The following GLRA3 variants were observed in gnomAD, a reference collection of about 807,000 sequenced individuals.
The protein encoded by GLRA3 is glycine receptor subunit alpha-3.
In GLRA3, 44 loss-of-function variants were observed where a neutral mutation model predicts 60.4. That is an observed-to-expected ratio of 0.73 (90% CI 0.57 to 0.94). GLRA3 has a LOEUF of 0.94. Ranked by LOEUF, GLRA3 falls within the 40% of genes least tolerant of loss-of-function variation. The pLI, the probability that GLRA3 is intolerant of heterozygous loss-of-function variation, is 0.00. For synonymous variants in GLRA3, 223 were observed against 192.9 expected (o/e 1.16, Z -1.29); for missense variants, 508 against 564.6 (o/e 0.90, Z 1.02).
chr4:174,796,577 A>G (rs1023271855), intron 1 of GLRA3, among the ~76,000 whole-genome samples: 1 of 150,930 alleles, frequency 6.6e-6, no homozygotes, highest in African/African-American at 2.4e-5. Context: ...TCGCTCTGTC[A>G]CCAGGCTGGA....
chr4:174,718,527 A>G (rs1736008251), intron 4 of GLRA3, among the ~76,000 whole-genome samples: 1 of 152,140 alleles, frequency 6.6e-6, no homozygotes, highest in Non-Finnish European at 1.5e-5. Flanking sequence ...TCAATTATTG[A>G]CCACTTTTGT....
chr4:174,813,789 T>C (rs1468487967), intron 1 of GLRA3, among the ~76,000 whole-genome samples: 1 of 152,230 alleles, frequency 6.6e-6, no homozygotes, highest in Non-Finnish European at 1.5e-5. Context: ...CTTTATTTAA[T>C]GACTTTGCCC....
intron 3 of GLRA3, among the ~76,000 whole-genome samples, chr4:174,739,425 C>CT (rs34573945): frequency 0.19 from 29,174 of 152,152 alleles, 4,034 homozygotes; most frequent in African/African-American, 0.39. Context: ...TTCCACTTCA[C>CT]TTTTTTGTGG....
At chr4:174,764,759 T>TTTATGATTC (rs1424663949) in intron 3 of GLRA3, among the ~76,000 whole-genome samples, 2 of 152,044 alleles carry the variant, frequency 1.3e-5, no homozygotes, top group Non-Finnish European at 2.9e-5. Flanking sequence ...AGCAAAACAT[T>TTTATGATTC]TTATGATTCT....
rs539105948 is a variant in GLRA3, at chr4:174,777,944, CTATTT to C, written c.199+10867_199+10871del. Among the ~76,000 whole-genome samples, 286 of 152,046 alleles carry C rather than the reference CTATTT, an allele frequency of 1.9e-3. 1 individual carries two copies. Among genetic ancestry groups the C allele is most frequent in the African/African-American group, 5.0e-3 (206 of 41,444 alleles). On this transcript the variant is annotated intron_variant, in intron 2 of 9. Transcript: ENST00000274093. Reference sequence around the variant, plus strand: ...TTACTCCTGTCTTGAAAATGAAAACCTATTTTATTTTATTTTATTTTGTTTTTCAG... The same window carrying C: ...TTACTCCTGTCTTGAAAATGAAAACCTATTTTATTTTATTTTGTTTTTCAG...
chr4:174,771,177 A>T (rs1738370293), intron 2 of GLRA3, among the ~76,000 whole-genome samples: 2 of 152,038 alleles, frequency 1.3e-5, no homozygotes, highest in Non-Finnish European at 2.9e-5. Flanking sequence ...GCACATGTAT[A>T]CATATGTAAC....
In GLRA3 at chr4:174,638,821, TAA is replaced by T. The variant is rs1043284139; in HGVS notation, c.*4963_*4964del. 1 of 152,232 alleles carries T rather than the reference TAA, an allele frequency of 6.6e-6. No individual in the cohort carries two copies. The highest frequency in any genetic ancestry group is 6.5e-5 in the Admixed American group (1 of 15,278). 9.4% of individuals were successfully genotyped at this position (152,232 alleles called of 1,614,324 possible). ...CACTTGGGACAGTGCCAGGCACACA[TAA>T]GGTACTCAATGAATATTTGTTTAAT... On this transcript the variant is annotated 3_prime_UTR_variant, in exon 10 of 10. Coordinates refer to ENST00000274093, the MANE Select transcript of GLRA3 (RefSeq NM_006529.4).
chr4:174,798,652 C>T (rs185061823), intron 1 of GLRA3, among the ~76,000 whole-genome samples: 35 of 152,292 alleles, frequency 2.3e-4, no homozygotes, highest in East Asian at 5.8e-4. Flanking sequence ...AGGCTGGGCG[C>T]GGTGGCTCAT....
chr4:174,651,445 T>A (rs778870801), intron 9 of GLRA3, among the ~76,000 whole-genome samples: 1 of 152,158 alleles, frequency 6.6e-6, no homozygotes, highest in African/African-American at 2.4e-5. Flanking sequence ...GACAAAGCAC[T>A]CAAATTGCTG....
At chr4:174,684,017 C>G (rs1561053151) in intron 5 of GLRA3, among the ~76,000 whole-genome samples, 1 of 151,896 alleles carries the variant, frequency 6.6e-6, no homozygotes, top group Non-Finnish European at 1.5e-5. Flanking sequence ...AAGGTTTGGG[C>G]CAGACACATT....
intron 3 of GLRA3, among the ~76,000 whole-genome samples, chr4:174,763,987 G>A (rs776916087): frequency 2.6e-4 from 40 of 152,068 alleles, no homozygotes; most frequent in Non-Finnish European, 2.9e-4. Flanking sequence ...GTAGAAAAAA[G>A]TTTGGTGACT....
intron 5 of GLRA3, among the ~76,000 whole-genome samples, chr4:174,704,186 T>C (rs116045108): frequency 0.071 from 10,140 of 142,486 alleles, 1,608 homozygotes; most frequent in South Asian, 0.14. Context: ...TCCCAGCTAC[T>C]TGGGAAGCTG....
chr4:174,652,782 T>C (rs1435810751), intron 9 of GLRA3, among the ~76,000 whole-genome samples: 2 of 152,126 alleles, frequency 1.3e-5, no homozygotes, highest in Admixed American at 1.3e-4. Context: ...CCAAACATGA[T>C]ACTGTATATT....
In GLRA3 at chr4:174,698,854, C is replaced by A. The variant is rs147042440; in HGVS notation, c.575-15915G>T. Among the ~76,000 whole-genome samples, 43 of 152,130 alleles carry A rather than the reference C, an allele frequency of 2.8e-4. 1 individual carries two copies. Among genetic ancestry groups the A allele is most frequent in the Non-Finnish European group, 1.5e-5 (1 of 67,992 alleles). ...TGGACAGATTTCAAACACTAAAATT[C>A]GCATTTAATACACAGTATAATAAAA... On this transcript the variant is annotated intron_variant, in intron 5 of 9. Transcript: ENST00000274093.
intron 3 of GLRA3, among the ~76,000 whole-genome samples, chr4:174,752,897 T>A (rs1737543891): frequency 6.6e-6 from 1 of 152,118 alleles, no homozygotes; most frequent in South Asian, 2.1e-4. Flanking sequence ...AAGAAACTAC[T>A]AAAATTTTTG....
In GLRA3 at chr4:174,637,383, C is replaced by T. The variant is rs989987803; in HGVS notation, c.*6403G>A. The T allele has an allele frequency of 1.3e-5, 2 of 150,946 alleles. No individual in the cohort carries two copies. The highest frequency in any genetic ancestry group is 3.0e-5 in the Non-Finnish European group (2 of 67,610). 9.4% of individuals were successfully genotyped at this position (150,946 alleles called of 1,614,324 possible). On this transcript the variant is annotated 3_prime_UTR_variant, in exon 10 of 10. Transcript: ENST00000274093. The stretch of plus-strand genomic sequence containing the variant: ...ATGTCAGGGTACTTCACTCTATTTC[C>T]CCCCCCATATTATCATTTATCATAC...
Position 174,643,818 on chromosome 4 carries a change from T to G in GLRA3, c.1363A>C (p.Arg455=). 4 of 1,613,618 alleles carry G rather than the reference T, an allele frequency of 2.5e-6. No homozygotes were observed. The highest frequency in any genetic ancestry group is 3.4e-6 in the Non-Finnish European group (4 of 1,179,668). The change falls in exon 10 of 10, where the codon AGG becomes CGG. Residue 455 remains arginine (R), a synonymous_variant. Transcript: ENST00000274093. The part of the protein sequence containing the change: ...IFYWVIYKIL[R]HEDIHQQQD ...TGCTGCTGATGAATATCCTCATGCC[T>G]AAGAATTTTATAGATAACCCAGTAG...
intron 5 of GLRA3, among the ~76,000 whole-genome samples, chr4:174,687,647 C>A (rs144245228): frequency 1.3e-5 from 2 of 152,054 alleles, no homozygotes; most frequent in East Asian, 3.9e-4. Flanking sequence ...ACTTTGAAGT[C>A]AAAATTGGAA....
At chr4:174,665,666 T>C (rs547830055) in intron 7 of GLRA3, among the ~76,000 whole-genome samples, 5 of 152,206 alleles carry the variant, frequency 3.3e-5, no homozygotes, top group Non-Finnish European at 7.3e-5. Flanking sequence ...CATTGTATCA[T>C]TGATTTCGTC....
Sources: allele counts gnomAD v4.1 joint callset (sites outside exome capture counted in the v4.1 genomes callset), GRCh38; gene constraint gnomAD v4.1.1; transcripts MANE v1.5; gene names NCBI Gene and HGNC (gene_info 2026-07-23, HGNC 2026-07-21).